The following WDPCP variants were observed in gnomAD, a reference collection of about 807,000 sequenced individuals.
The protein encoded by WDPCP is WD repeat containing planar cell polarity effector.
In WDPCP, 71 loss-of-function variants were observed where a neutral mutation model predicts 93.1. That is an observed-to-expected ratio of 0.76 (90% CI 0.63 to 0.93). The LOEUF (loss-of-function observed/expected upper bound fraction) is 0.93. WDPCP is among the 40% of genes least tolerant of loss of function. The pLI, the probability that WDPCP is intolerant of heterozygous loss-of-function variation, is 0.00. For missense variants in WDPCP, 844 were observed against 887.4 expected (o/e 0.95, Z 0.62); for synonymous variants, 315 against 315.0 (o/e 1.00, Z 0.00).
chr2:63,648,872 A>C (rs575618400), intron 3 of WDPCP, among the ~76,000 whole-genome samples: 2 of 152,196 alleles, frequency 1.3e-5, no homozygotes, highest in Non-Finnish European at 2.9e-5. Flanking sequence ...TGTTCTCAGC[A>C]GTTAGATTGC....
chr2:63,765,751 G>A lies in WDPCP; in HGVS notation n.308+47871C>T, dbSNP rs370472492. ...GTGGTACTGACAGGGTTGGCCTACT[G>A]CCTGGTTAAAAATTTTGGCTCAATT... is the stretch of plus-strand genomic sequence containing the variant. On this transcript the variant is annotated intron_variant and non_coding_transcript_variant, in intron 2 of 4. Coordinates refer to the WDPCP transcript ENST00000467687. 1.8e-3 allele frequency among the ~76,000 whole-genome samples: 278 copies of A among 152,320 alleles called. 11 individuals are homozygous for A. In the South Asian group the frequency reaches 0.055, roughly 30 times the overall value.
chr2:63,392,431 C>A (rs1254493237), intron 10 of WDPCP, among the ~76,000 whole-genome samples: 14 of 152,144 alleles, frequency 9.2e-5, no homozygotes, highest in Non-Finnish European at 1.6e-4. Context: ...ACCATAAAAC[C>A]CCTAGAAGAA....
intron 13 of WDPCP, among the ~76,000 whole-genome samples, chr2:63,263,813 A>G (rs1163634738): frequency 1.3e-5 from 2 of 152,236 alleles, no homozygotes; most frequent in East Asian, 1.9e-4. Context: ...GTCTAAATAT[A>G]CTGAAGAAAT....
intron 1 of WDPCP, among the ~76,000 whole-genome samples, chr2:63,819,500 A>G (rs2104120097): frequency 6.6e-6 from 1 of 152,338 alleles, no homozygotes; most frequent in Non-Finnish European, 1.5e-5. Flanking sequence ...GTGGTTCTCA[A>G]ACATGAGTGT....
chr2:63,504,789 AC>A (rs1333909980), intron 1 of WDPCP, among the ~76,000 whole-genome samples: 1 of 152,068 alleles, frequency 6.6e-6, no homozygotes, highest in African/African-American at 2.4e-5. Flanking sequence ...TAACTGAATG[AC>A]TAAGGAGTGT....
At chr2:63,541,009 C>T (rs1704676273) in intron 1 of WDPCP, among the ~76,000 whole-genome samples, 1 of 152,042 alleles carries the variant, frequency 6.6e-6, no homozygotes, top group South Asian at 2.1e-4. Flanking sequence ...GACTCTCCCT[C>T]TGGGGCCCAG....
chr2:63,260,848 C>A (rs1005650630), intron 13 of WDPCP, among the ~76,000 whole-genome samples: 5 of 152,154 alleles, frequency 3.3e-5, no homozygotes, highest in Admixed American at 6.5e-5. Flanking sequence ...AGCACCCGGC[C>A]GGTAAAGACT....
intron 14 of WDPCP, among the ~76,000 whole-genome samples, chr2:63,216,901 T>G (rs1257192738): frequency 6.6e-6 from 1 of 152,320 alleles, no homozygotes; most frequent in Admixed American, 6.5e-5. Flanking sequence ...AGACACTGAA[T>G]TGGGTTCACC....
intron 3 of WDPCP, among the ~76,000 whole-genome samples, chr2:63,609,300 G>A (rs1709589721): frequency 6.6e-6 from 1 of 152,108 alleles, no homozygotes; most frequent in Admixed American, 6.5e-5. Flanking sequence ...CTGGGAGGTT[G>A]CAGTGAGCCG....
intron 14 of WDPCP, among the ~76,000 whole-genome samples, chr2:63,207,501 C>A (rs1676432045): frequency 6.6e-6 from 1 of 152,144 alleles, no homozygotes; most frequent in African/African-American, 2.4e-5. Context: ...TCTGGTAGTT[C>A]TTTATAGCAA....
chr2:63,358,688 C>T (rs1035057585), intron 12 of WDPCP, among the ~76,000 whole-genome samples: 1 of 152,118 alleles, frequency 6.6e-6, no homozygotes, highest in African/African-American at 2.4e-5. Flanking sequence ...AACTAGTTGC[C>T]TCAAGCAATC....
At chr2:63,479,515 G>C (rs1490664251) in intron 6 of WDPCP, among the ~76,000 whole-genome samples, 11 of 152,292 alleles carry the variant, frequency 7.2e-5, no homozygotes, top group Middle Eastern at 3.4e-3. Flanking sequence ...TACCAGGGAT[G>C]CAAGGATAAT....
At chr2:63,540,861 C>G (rs1436421018) in intron 1 of WDPCP, among the ~76,000 whole-genome samples, 1 of 151,442 alleles carries the variant, frequency 6.6e-6, no homozygotes, top group Non-Finnish European at 1.5e-5. Context: ...TCAAGTGATC[C>G]TCCCTCCAAG....
At chr2:63,777,445 T>C (rs553343265) in intron 2 of WDPCP, among the ~76,000 whole-genome samples, 2 of 152,160 alleles carry the variant, frequency 1.3e-5, no homozygotes, top group African/African-American at 2.4e-5. Flanking sequence ...ATTGAAAGCA[T>C]ACATCCAAAG....
At chr2:63,532,273 C>A (rs564147548) in intron 1 of WDPCP, among the ~76,000 whole-genome samples, 1 of 152,148 alleles carries the variant, frequency 6.6e-6, no homozygotes, top group East Asian at 1.9e-4. Flanking sequence ...TGGAACCAAG[C>A]TGGAAAACAC....
At chr2:63,487,402 A>G (rs780541171) in intron 3 of WDPCP, 45 bp downstream of exon 3, 1 of 1,365,986 alleles carries the variant, frequency 7.3e-7, no homozygotes, top group Non-Finnish European at 1.0e-6. Flanking sequence ...CATGGTTTAG[A>G]ATATTTAGTT....
chr2:63,803,553 C>T (rs1285302424), intron 2 of WDPCP, among the ~76,000 whole-genome samples: 1 of 152,048 alleles, frequency 6.6e-6, no homozygotes, highest in Non-Finnish European at 1.5e-5. Flanking sequence ...GTAACCCTTA[C>T]CTCTTTATTT....
chr2:63,784,039 T>C (rs1377377596), intron 2 of WDPCP, among the ~76,000 whole-genome samples: 1 of 152,194 alleles, frequency 6.6e-6, no homozygotes, highest in Non-Finnish European at 1.5e-5. Context: ...ATTCATTGGA[T>C]TAGCACCTAA....
intron 15 of WDPCP, among the ~76,000 whole-genome samples, chr2:63,156,216 T>A (rs534389683): frequency 6.6e-6 from 1 of 152,108 alleles, no homozygotes; most frequent in Admixed American, 6.5e-5. Context: ...TTGCCCAGGC[T>A]GGTCTCGAAC....
Sources: gnomAD v4.1 joint callset for allele counts (sites outside exome capture counted in the v4.1 genomes callset) on GRCh38, gnomAD v4.1.1 for gene constraint, MANE v1.5 for transcripts, NCBI Gene and HGNC (gene_info 2026-07-23, HGNC 2026-07-21) for gene names.